Variants in AFG2A observed in about 807,000 individuals in gnomAD.
The protein encoded by AFG2A is AAA ATPase AFG2A, also known as ATPase family gene 2 protein homolog A.
chr4:123,012,900 C>G, the AFG2A span, among the ~76,000 whole-genome samples: 1 of 151,788 alleles, frequency 6.6e-6, no homozygotes, highest in Admixed American at 6.6e-5. Context: ...AGGAGAATAG[C>G]GGACTGATCT....
the AFG2A span, among the ~76,000 whole-genome samples, chr4:123,122,782 T>G: frequency 3.0e-5 from 4 of 133,144 alleles, no homozygotes; most frequent in East Asian, 8.8e-4. Flanking sequence ...TGTTTTTTTG[T>G]TTTTTTTTTT....
At chr4:123,135,704 A>G in the AFG2A span, among the ~76,000 whole-genome samples, 1 of 152,210 alleles carries the variant, frequency 6.6e-6, no homozygotes, top group South Asian at 2.1e-4. Flanking sequence ...GCGATCATTT[A>G]AAGTATATGG....
the AFG2A span, among the ~76,000 whole-genome samples, chr4:123,277,174 C>T: frequency 2.0e-5 from 3 of 152,068 alleles, no homozygotes; most frequent in Non-Finnish European, 4.4e-5. Context: ...TCATAATTCT[C>T]CTTGTAGACA....
At chr4:123,187,452 C>T in the AFG2A span, among the ~76,000 whole-genome samples, 6 of 152,148 alleles carry the variant, frequency 3.9e-5, no homozygotes, top group African/African-American at 1.4e-4. Context: ...CAGGAATATA[C>T]TTTGGTCTTC....
At chr4:123,153,603 A>G in the AFG2A span, among the ~76,000 whole-genome samples, 2 of 152,220 alleles carry the variant, frequency 1.3e-5, no homozygotes, top group East Asian at 1.9e-4. Flanking sequence ...CTGTAAAATT[A>G]TATTTATAAG....
chr4:123,307,387 CACAA>C, the AFG2A span, among the ~76,000 whole-genome samples: 1 of 152,126 alleles, frequency 6.6e-6, no homozygotes, highest in Non-Finnish European at 1.5e-5. Context: ...CACACACACA[CACAA>C]ACACACAAAC....
chr4:122,949,421 T>C, the AFG2A span, among the ~76,000 whole-genome samples: 1 of 152,164 alleles, frequency 6.6e-6, no homozygotes, highest in African/African-American at 2.4e-5. Context: ...CTATACCAAG[T>C]ATCGAAGTGG....
chr4:123,248,924 C>CT, the AFG2A span, among the ~76,000 whole-genome samples: 2 of 152,140 alleles, frequency 1.3e-5, no homozygotes, highest in Admixed American at 1.3e-4. Flanking sequence ...AGAGTAATCA[C>CT]TATAATAGCA....
At chr4:123,075,165 C>T in the AFG2A span, among the ~76,000 whole-genome samples, 1 of 151,758 alleles carries the variant, frequency 6.6e-6, no homozygotes, top group Non-Finnish European at 1.5e-5. Flanking sequence ...AGGCTGGTCT[C>T]GAACTCCTGA....
At chr4:122,934,521 A>G in the AFG2A span, 4 of 1,614,228 alleles carry the variant, frequency 2.5e-6, no homozygotes, top group African/African-American at 2.7e-5. Flanking sequence ...AGAGACTGCT[A>G]AAGTTCAGCA....
the AFG2A span, among the ~76,000 whole-genome samples, chr4:122,988,061 G>A: frequency 1.8e-5 from 1 of 54,158 alleles, no homozygotes; most frequent in African/African-American, 5.1e-5. Context: ...ATTCTTTGTT[G>A]GCAGTTTTTT....
the AFG2A span, among the ~76,000 whole-genome samples, chr4:122,944,802 A>C: frequency 6.6e-6 from 1 of 152,082 alleles, no homozygotes; most frequent in African/African-American, 2.4e-5. Context: ...GGTGATGTAC[A>C]GGTGGGTTTT....
chr4:123,024,794 T>G, the AFG2A span, among the ~76,000 whole-genome samples: 1 of 152,124 alleles, frequency 6.6e-6, no homozygotes. Context: ...TAAAAGACAG[T>G]AGGCCTTTTT....
chr4:123,184,816 G>A, the AFG2A span, among the ~76,000 whole-genome samples: 2 of 151,938 alleles, frequency 1.3e-5, no homozygotes, highest in Admixed American at 1.3e-4. Context: ...GATTACAGGC[G>A]TGAGCCACCG....
the AFG2A span, among the ~76,000 whole-genome samples, chr4:123,004,296 A>G: frequency 3.9e-5 from 6 of 152,324 alleles, no homozygotes; most frequent in Middle Eastern, 3.4e-3. Context: ...TTCGGCCGGC[A>G]CACGGTGCAC....
At chr4:123,072,406 A>AG in the AFG2A span, among the ~76,000 whole-genome samples, 2 of 152,200 alleles carry the variant, frequency 1.3e-5, no homozygotes, top group Non-Finnish European at 2.9e-5. Context: ...AGTGAGGCAC[A>AG]GGTAAACTTC....
At chr4:123,120,364 T>G in the AFG2A span, among the ~76,000 whole-genome samples, 1 of 152,144 alleles carries the variant, frequency 6.6e-6, no homozygotes, top group Non-Finnish European at 1.5e-5. Flanking sequence ...CAGTAATAAT[T>G]AAGGGCTAAA....
the AFG2A span, among the ~76,000 whole-genome samples, chr4:123,196,336 G>A: frequency 6.6e-6 from 1 of 151,824 alleles, no homozygotes; most frequent in Non-Finnish European, 1.5e-5. Context: ...ACATCAAATG[G>A]TGACTTGAGG....
At chr4:123,158,915 C>T in the AFG2A span, among the ~76,000 whole-genome samples, 23,167 of 152,096 alleles carry the variant, frequency 0.15, 2,161 homozygotes, top group East Asian at 0.45. Flanking sequence ...ATTTTTCTAC[C>T]AGTAAAGGTG....
Sources: allele counts gnomAD v4.1 joint callset (sites outside exome capture counted in the v4.1 genomes callset), GRCh38; gene constraint gnomAD v4.1.1; transcripts MANE v1.5; gene names NCBI Gene and HGNC (gene_info 2026-07-23, HGNC 2026-07-21).